ZNF516: variants seen among roughly 807,000 people sequenced by gnomAD.
ZNF516 encodes the protein zinc finger protein 516.
Under a neutral mutation model 79.7 loss-of-function variants are expected in ZNF516, and 19 were observed. The observed-to-expected ratio is 0.24, with a 90% CI of 0.17 to 0.35. The LOEUF (loss-of-function observed/expected upper bound fraction) is 0.35. Ranked by LOEUF, ZNF516 falls within the 10% of genes least tolerant of loss-of-function variation. The pLI, the probability that ZNF516 is intolerant of heterozygous loss-of-function variation, is 1.00. For missense variants in ZNF516, 1,678 were observed against 1,679.5 expected (o/e 1.00, Z 0.02); for synonymous variants, 877 against 739.5 (o/e 1.19, Z -3.02).
At chr18:76,384,985 G>A (rs974418211) in intron 3 of ZNF516, among the ~76,000 whole-genome samples, 26 of 152,356 alleles carry the variant, frequency 1.7e-4, no homozygotes, top group African/African-American at 4.8e-4. Context: ...GCCTGGCAGC[G>A]GCCCTGTGCA....
intron 3 of ZNF516, among the ~76,000 whole-genome samples, chr18:76,384,467 A>G (rs1331762889): frequency 6.8e-5 from 3 of 44,428 alleles, no homozygotes; most frequent in African/African-American, 2.8e-4. Flanking sequence ...CGCCCCCACC[A>G]CGACCCGCAC....
At chr18:76,428,404 AAAAAAG>A (rs1364983615) in intron 3 of ZNF516, among the ~76,000 whole-genome samples, 3 of 152,122 alleles carry the variant, frequency 2.0e-5, no homozygotes, top group Non-Finnish European at 4.4e-5. Flanking sequence ...AAAAAAAAAA[AAAAAAG>A]AAAGAAATCC....
At chr18:76,452,160 A>T (rs571561212) in intron 2 of ZNF516, among the ~76,000 whole-genome samples, 1 of 152,342 alleles carries the variant, frequency 6.6e-6, no homozygotes, top group African/African-American at 2.4e-5. Flanking sequence ...CCACTATCCC[A>T]GGGAGCAGCC....
chr18:76,476,669 T>A (rs1232955942), intron 1 of ZNF516, among the ~76,000 whole-genome samples: 1 of 152,254 alleles, frequency 6.6e-6, no homozygotes, highest in East Asian at 1.9e-4. Context: ...CTTGTAGTTT[T>A]GTGTCAGTTT....
chr18:76,420,350 C>G (rs952083544), intron 3 of ZNF516, among the ~76,000 whole-genome samples: 2 of 152,154 alleles, frequency 1.3e-5, no homozygotes, highest in East Asian at 3.9e-4. Flanking sequence ...TGCTCTCTAC[C>G]CCCGGCCCTC....
rs1036640519 is a variant in ZNF516, at chr18:76,490,256, C to G, written c.-272+4888G>C. ...CTCAAACCCCTGACACCACGGCAGG[C>G]TCCTACGCAACTTCACTCTCCAATT... On this transcript the variant is annotated intron_variant, in intron 1 of 6. Transcript: ENST00000443185. 6.3e-6 allele frequency: 6 copies of G among 949,316 alleles called. No individual in the cohort carries two copies. The African/African-American group carries it at 1.1e-4, about 17-fold the overall frequency. The allele number at this position is 949,316 out of a possible 1,614,324, so 58.8% of individuals were successfully genotyped here. A position where few individuals can be genotyped will look rare whatever the true frequency, so the allele number is the denominator to read the frequency against.
chr18:76,417,468 C>T (rs1000633422), intron 3 of ZNF516, among the ~76,000 whole-genome samples: 2 of 152,140 alleles, frequency 1.3e-5, no homozygotes, highest in African/African-American at 4.8e-5. Context: ...AGTAATTTAC[C>T]AATTTTTCTA....
intron 1 of ZNF516, chr18:76,492,400 G>C (rs1915283911): frequency 1.0e-6 from 1 of 977,518 alleles, no homozygotes; most frequent in Non-Finnish European, 1.2e-6. Flanking sequence ...CATTGTGCGG[G>C]TCAGACGCAG....
rs143123783 is a variant in ZNF516 at position 76,370,831 on chromosome 18, A to AT, written c.3365-237dup. On this transcript the variant is annotated intron_variant, in intron 5 of 6. Transcript: ENST00000443185. ...GCTGAAGAAAGCAATCACTGACAAC[A>AT]TTAATTATCGGTGTGTGTGTAAGGG... Among the ~76,000 whole-genome samples the AT allele has an allele frequency of 1.0e-3, 155 of 152,312 alleles. 2 individuals are homozygous for AT. In the East Asian group the frequency reaches 0.027, roughly 27 times the overall value.
At position 76,361,259 on chromosome 18, in the gene ZNF516, ATATT is replaced by A. The variant is rs1304207572; in HGVS notation, c.*1235_*1238del. On this transcript the variant is annotated 3_prime_UTR_variant, in exon 7 of 7. Coordinates refer to ENST00000443185, the MANE Select transcript of ZNF516 (RefSeq NM_014643.4). ...AGTGTCACGGCAATGGGAAAAGAAA[ATATT>A]TATATCTGTGGAATACCATTTCAAT... 1 of 152,214 alleles carries A rather than the reference ATATT, an allele frequency of 6.6e-6. No individual in the cohort carries two copies. The highest frequency in any genetic ancestry group is 1.5e-5 in the Non-Finnish European group (1 of 68,042). The allele number at this position is 152,214 out of a possible 1,614,324, so 9.4% of individuals were successfully genotyped here.
chr18:76,404,568 T>G (rs1472419572), intron 3 of ZNF516, among the ~76,000 whole-genome samples: 1 of 150,706 alleles, frequency 6.6e-6, no homozygotes, highest in Non-Finnish European at 1.5e-5. Context: ...GTTTGTATGT[T>G]TGTGAGTATG....
Position 76,360,641 on chromosome 18 carries a change from A to AAAAAT in ZNF516, c.*1856_*1857insATTTT, listed in dbSNP as rs1287869618. 19 of 113,642 alleles carry AAAAAT rather than the reference A, an allele frequency of 1.7e-4. No individual in the cohort carries two copies. In the East Asian group the frequency reaches 4.3e-3, roughly 26 times the overall value. 7.0% of individuals were successfully genotyped at this position (113,642 alleles called of 1,614,324 possible). ...ATCAGAAAAAAATAAGTAAAAAAAA[A>AAAAAT]AAAAAATATATATATATATATATAT... On this transcript the variant is annotated 3_prime_UTR_variant, in exon 7 of 7. Coordinates refer to ENST00000443185, the MANE Select transcript of ZNF516 (RefSeq NM_014643.4).
chr18:76,420,119 G>T (rs1328284462), intron 3 of ZNF516, among the ~76,000 whole-genome samples: 1 of 152,338 alleles, frequency 6.6e-6, no homozygotes, highest in East Asian at 1.9e-4. Flanking sequence ...ATTTCTGTAG[G>T]TTTTCACTGT....
intron 3 of ZNF516, among the ~76,000 whole-genome samples, chr18:76,396,887 G>C (rs914187395): frequency 1.3e-5 from 2 of 152,172 alleles, no homozygotes; most frequent in Non-Finnish European, 2.9e-5. Flanking sequence ...TAATATCCAC[G>C]GGGGCTTTTC....
intron 3 of ZNF516, among the ~76,000 whole-genome samples, chr18:76,407,053 G>C (rs554289093): frequency 6.6e-6 from 1 of 152,148 alleles, no homozygotes; most frequent in African/African-American, 2.4e-5. Context: ...AGGCTGGGTG[G>C]ACAGGTTAGA....
chr18:76,479,546 G>A (rs529065563), intron 1 of ZNF516, among the ~76,000 whole-genome samples: 1 of 152,314 alleles, frequency 6.6e-6, no homozygotes, highest in South Asian at 2.1e-4. Context: ...CAGATGGAGG[G>A]AAGACGCACA....
At chr18:76,390,479 G>T (rs890393) in intron 3 of ZNF516, among the ~76,000 whole-genome samples, 49,520 of 152,030 alleles carry the variant, frequency 0.33, 9,098 homozygotes, top group East Asian at 0.49. Context: ...AAGCCAGGAA[G>T]CAGCAGTGAT....
At chr18:76,414,121 A>G (rs1412562351) in intron 3 of ZNF516, among the ~76,000 whole-genome samples, 2 of 152,254 alleles carry the variant, frequency 1.3e-5, no homozygotes, top group African/African-American at 4.8e-5. Context: ...ACTAACATGT[A>G]CATATATAGA....
At chr18:76,419,391 T>G (rs143528504) in intron 3 of ZNF516, among the ~76,000 whole-genome samples, 8 of 152,362 alleles carry the variant, frequency 5.3e-5, no homozygotes, top group Admixed American at 4.6e-4. Flanking sequence ...TATCGTTACC[T>G]ATGAGCAGTG....
Sources: allele counts gnomAD v4.1 joint callset (sites outside exome capture counted in the v4.1 genomes callset), GRCh38; gene constraint gnomAD v4.1.1; transcripts MANE v1.5; gene names NCBI Gene and HGNC (gene_info 2026-07-23, HGNC 2026-07-21).